PXDNL: variants seen among roughly 807,000 people sequenced by gnomAD.
PXDNL encodes peroxidasin like, also known as probable oxidoreductase PXDNL.
PXDNL carries 145 observed loss-of-function variants against 150.8 expected under a neutral mutation model. The observed-to-expected ratio is 0.96, with a 90% CI of 0.84 to 1.10. The LOEUF (loss-of-function observed/expected upper bound fraction) is 1.10. Ranked by LOEUF, PXDNL falls within the 50% of genes least tolerant of loss-of-function variation. PXDNL has a pLI of 0.00. For missense variants in PXDNL, 2,087 were observed against 1,873.9 expected, an observed-to-expected ratio of 1.11 and a Z score of -2.10; for synonymous variants, 757 against 725.7, an observed-to-expected ratio of 1.04 and a Z score of -0.69.
chr8:51,494,460 C>T (rs1185579605), intron 5 of PXDNL, among the ~76,000 whole-genome samples: 2 of 151,990 alleles, frequency 1.3e-5, no homozygotes, highest in Admixed American at 1.3e-4. Context: ...GGGCTAAATG[C>T]TCCAATTAAA....
intron 1 of PXDNL, among the ~76,000 whole-genome samples, chr8:51,728,388 C>T (rs1816858046): frequency 6.6e-6 from 1 of 152,054 alleles, no homozygotes; most frequent in Non-Finnish European, 1.5e-5. Context: ...TAGCCTCAGG[C>T]AGGTCCTTCA....
At chr8:51,325,682 G>C (rs1034046023) in intron 21 of PXDNL, among the ~76,000 whole-genome samples, 3 of 152,142 alleles carry the variant, frequency 2.0e-5, no homozygotes, top group African/African-American at 7.2e-5. Context: ...TTCCTGCTGG[G>C]TTAGGACGGA....
chr8:51,327,688 G>T (rs1488723801), intron 21 of PXDNL, among the ~76,000 whole-genome samples: 3 of 152,280 alleles, frequency 2.0e-5, no homozygotes, highest in African/African-American at 7.2e-5. Context: ...TTTTAAATTG[G>T]CAAAGAAGTC....
rs1292773410 is a variant in PXDNL at position 51,385,333 on chromosome 8, G to GAA, written c.3558-10604_3558-10603dup. Among the ~76,000 whole-genome samples, 86 of 134,200 alleles carry GAA rather than the reference G, an allele frequency of 6.4e-4. No individual in the cohort carries two copies. In the East Asian group the frequency reaches 8.0e-3, roughly 12 times the overall value. The allele number at this position is 134,200 out of a possible 152,430, so 88.0% of individuals were successfully genotyped here. On this transcript the variant is annotated intron_variant, in intron 17 of 22. Coordinates refer to ENST00000356297, the MANE Select transcript of PXDNL (RefSeq NM_144651.5). ...CAGAAGCAGAAAAATAGCTAAAAAG[G>GAA]AAAAAAAAAAAACACTTTCCACTGT...
intron 4 of PXDNL, among the ~76,000 whole-genome samples, chr8:51,527,617 CTAAGTGTAAATACTTAAAGTG>C (rs1811797611): frequency 6.6e-6 from 1 of 152,184 alleles, no homozygotes; most frequent in Non-Finnish European, 1.5e-5. Context: ...TATGACTTTT[CTAAGTGTAAATACTTAAAGTG>C]AGCTGCAGGC....
At chr8:51,589,374 C>T (rs1259337323) in intron 3 of PXDNL, among the ~76,000 whole-genome samples, 3 of 152,012 alleles carry the variant, frequency 2.0e-5, no homozygotes, top group African/African-American at 7.3e-5. Flanking sequence ...GAGGAGTAGG[C>T]TAGAAAAACC....
intron 1 of PXDNL, among the ~76,000 whole-genome samples, chr8:51,719,452 T>G (rs990887819): frequency 2.6e-5 from 4 of 152,134 alleles, no homozygotes; most frequent in African/African-American, 9.7e-5. Context: ...GCATGCTCTT[T>G]AAGAGTCATC....
intron 8 of PXDNL, among the ~76,000 whole-genome samples, chr8:51,459,645 A>G (rs1810020872): frequency 6.6e-6 from 1 of 152,204 alleles, no homozygotes; most frequent in African/African-American, 2.4e-5. Flanking sequence ...TTGCTCATGA[A>G]TCATGATGTT....
At chr8:51,589,994 T>C (rs1813408045) in intron 3 of PXDNL, among the ~76,000 whole-genome samples, 1 of 152,016 alleles carries the variant, frequency 6.6e-6, no homozygotes, top group African/African-American at 2.4e-5. Context: ...GGCTACCCCT[T>C]CCCATCGCAG....
chr8:51,628,325 CTCT>C (rs1490610330), intron 2 of PXDNL, among the ~76,000 whole-genome samples: 3 of 141,198 alleles, frequency 2.1e-5, no homozygotes, highest in Admixed American at 1.4e-4. Flanking sequence ...AGAGGCTTCT[CTCT>C]TCTTCTTTAT....
At chr8:51,783,710 C>G (rs2037435983) in intron 1 of PXDNL, among the ~76,000 whole-genome samples, 1 of 152,128 alleles carries the variant, frequency 6.6e-6, no homozygotes, top group Non-Finnish European at 1.5e-5. Context: ...AAGGTGATCT[C>G]TAAGCAACAG....
intron 10 of PXDNL, among the ~76,000 whole-genome samples, chr8:51,452,385 T>C (rs928241754): frequency 7.2e-5 from 11 of 152,254 alleles, no homozygotes; most frequent in Non-Finnish European, 1.5e-4. Flanking sequence ...GAAAGTATTT[T>C]TGGGATATTA....
At chr8:51,439,265 A>G (rs888784071) in intron 12 of PXDNL, among the ~76,000 whole-genome samples, 1 of 152,196 alleles carries the variant, frequency 6.6e-6, no homozygotes, top group East Asian at 1.9e-4. Flanking sequence ...TGGTCTAAGG[A>G]CATGAATAGA....
At chr8:51,692,573 G>A (rs1816025952) in intron 1 of PXDNL, among the ~76,000 whole-genome samples, 1 of 152,162 alleles carries the variant, frequency 6.6e-6, no homozygotes, top group Non-Finnish European at 1.5e-5. Context: ...GAGGTTATGG[G>A]TGGGGGCCAA....
At chr8:51,460,557 C>T (rs1180523659) in intron 8 of PXDNL, among the ~76,000 whole-genome samples, 1 of 149,734 alleles carries the variant, frequency 6.7e-6, no homozygotes, top group Non-Finnish European at 1.5e-5. Flanking sequence ...AGAGGGGAAA[C>T]ACAGCCACTG....
chr8:51,651,481 G>A (rs1815035548), intron 2 of PXDNL, among the ~76,000 whole-genome samples: 1 of 152,096 alleles, frequency 6.6e-6, no homozygotes, highest in Non-Finnish European at 1.5e-5. Flanking sequence ...AAAACAATTG[G>A]AAGGACCAGA....
chr8:51,797,808 G>C (rs950189354), intron 1 of PXDNL, among the ~76,000 whole-genome samples: 1 of 151,994 alleles, frequency 6.6e-6, no homozygotes, highest in African/African-American at 2.4e-5. Flanking sequence ...ATTCTTCACA[G>C]AGTTAGAAAA....
chr8:51,557,019 A>C, intron 3 of PXDNL, 108 bp from the exon 4 acceptor site: 1 of 637,006 alleles, frequency 1.6e-6, no homozygotes, highest in East Asian at 2.8e-5. Context: ...GCTTTGTGGG[A>C]TGTCCATAGA....
chr8:51,334,998 C>T (rs956792448), intron 21 of PXDNL, among the ~76,000 whole-genome samples: 1 of 152,116 alleles, frequency 6.6e-6, no homozygotes, highest in African/African-American at 2.4e-5. Context: ...ATAACATTAC[C>T]TGTCTCCTAA....
Sources: gnomAD v4.1 joint callset for allele counts (sites outside exome capture counted in the v4.1 genomes callset) on GRCh38, gnomAD v4.1.1 for gene constraint, MANE v1.5 for transcripts, NCBI Gene and HGNC (gene_info 2026-07-23, HGNC 2026-07-21) for gene names.